SYCP2: variants seen among roughly 807,000 people sequenced by gnomAD.
The protein encoded by SYCP2 is synaptonemal complex lateral element protein.
SYCP2 carries 55 observed loss-of-function variants against 211.3 expected under a neutral mutation model. The observed-to-expected ratio is 0.26, with a 90% CI of 0.21 to 0.33. SYCP2 has a LOEUF of 0.33. SYCP2 is among the 10% of genes least tolerant of loss of function. The pLI, the probability that SYCP2 is intolerant of heterozygous loss-of-function variation, is 1.00. For missense variants in SYCP2, 1,731 were observed against 1,752.0 expected, an observed-to-expected ratio of 0.99 and a Z score of 0.21; for synonymous variants, 570 against 555.2, an observed-to-expected ratio of 1.03 and a Z score of -0.37.
At chr20:59,873,240 T>C (rs888896231) in intron 35 of SYCP2, among the ~76,000 whole-genome samples, 1 of 152,102 alleles carries the variant, frequency 6.6e-6, no homozygotes, top group South Asian at 2.1e-4. Context: ...GAAAACTTTA[T>C]GGCTTCTCTT....
In SYCP2 at chr20:59,905,872, C is replaced by T. The variant is rs148743374; in HGVS notation, c.1033+1492G>A. On this transcript the variant is annotated intron_variant, in intron 15 of 44. Transcript: ENST00000357552. ...TCAACATTGCACTGGAGGTTCTATA[C>T]ATTGCAATAAAGCAACAAAAGGAAA... is the stretch of plus-strand genomic sequence containing the variant. Among the ~76,000 whole-genome samples, 898 of 152,134 alleles carry T rather than the reference C, an allele frequency of 5.9e-3. 8 individuals are homozygous for T. The highest frequency in any genetic ancestry group is 0.026 in the East Asian group (134 of 5,180).
chr20:59,892,182 A>C lies in SYCP2; in HGVS notation c.2172T>G (p.Phe724Leu), dbSNP rs1191171694. 4 of 1,612,638 alleles carry C rather than the reference A, an allele frequency of 2.5e-6. No individual in the cohort carries two copies. Among genetic ancestry groups the C allele is most frequent in the Non-Finnish European group, 3.4e-6 (4 of 1,179,208 alleles). ...TTGTCTTATTTAGGAGAACCGATTT[A>C]AAAGTAGTTTCAGATTCAACAGGCC... ...SDWPVESETT[F>L]KSVLLNKTIE... Residue 724 changes from phenylalanine to leucine, a missense_variant, in exon 24 of 45, where the codon TTT (phenylalanine) becomes TTG (leucine). Phe to Leu is a conservative substitution (Grantham distance 22). Transcript: ENST00000357552.
In SYCP2 at chr20:59,914,904, TTAAGC is replaced by T. The variant is rs1600962852; in HGVS notation, c.634+256_634+260del. 3.3e-5 allele frequency among the ~76,000 whole-genome samples: 5 copies of T among 151,994 alleles called. No individual in the cohort carries two copies. The East Asian group carries it at 9.6e-4, about 29-fold the overall frequency. ...TAAGCTATTATATTAAGCTATTAAA[TTAAGC>T]TATTAATTTAAGCTATTAAGCTATA... On this transcript the variant is annotated intron_variant, in intron 10 of 44. Transcript: ENST00000357552.
Position 59,895,395 on chromosome 20 carries a change from AC to A in SYCP2, c.1665+41del, listed in dbSNP as rs2059988634. 3 of 1,530,840 alleles carry A rather than the reference AC, an allele frequency of 2.0e-6. No individual in the cohort carries two copies. In the Admixed American group the frequency reaches 5.9e-5, roughly 30 times the overall value. 94.8% of individuals were successfully genotyped at this position (1,530,840 alleles called of 1,614,324 possible). A position where few individuals can be genotyped will look rare whatever the true frequency, so the allele number is the denominator to read the frequency against. Reference sequence around the variant, plus strand: ...TAGCTCAATACATATTTCCACAATTACTTGAAAAAATATTTTTAAAATACTT... The same window carrying A: ...TAGCTCAATACATATTTCCACAATTATTGAAAAAATATTTTTAAAATACTT... On this transcript the variant is annotated intron_variant, in intron 20 of 44. Coordinates refer to ENST00000357552, the MANE Select transcript of SYCP2 (RefSeq NM_014258.4).
intron 20 of SYCP2, among the ~76,000 whole-genome samples, chr20:59,894,564 A>G (rs181917687): frequency 6.6e-6 from 1 of 152,152 alleles, no homozygotes; most frequent in African/African-American, 2.4e-5. Context: ...AGCTTTGAGA[A>G]AATTGTACAT....
chr20:59,868,041 CTT>C (rs1180628323), intron 38 of SYCP2, among the ~76,000 whole-genome samples, 194 bp from the exon 39 acceptor site: 1 of 151,546 alleles, frequency 6.6e-6, no homozygotes, highest in African/African-American at 2.4e-5. Flanking sequence ...ATAAAACAAA[CTT>C]TTTGGTATGG....
chr20:59,886,952 A>C (rs1451895410), intron 24 of SYCP2, 118 bp from the exon 25 acceptor site: 5 of 730,504 alleles, frequency 6.8e-6, no homozygotes, highest in South Asian at 4.2e-5. Flanking sequence ...GAGAGAAATA[A>C]AGAGAGTCAA....
At chr20:59,894,934 A>G (rs6027177) in intron 20 of SYCP2, among the ~76,000 whole-genome samples, 2,754 of 152,076 alleles carry the variant, frequency 0.018, 86 homozygotes, top group African/African-American at 0.063. Flanking sequence ...TTCATTCTCC[A>G]TATTTTCTTA....
intron 2 of SYCP2, among the ~76,000 whole-genome samples, chr20:59,931,362 T>C (rs1325943554): frequency 6.6e-6 from 1 of 152,198 alleles, no homozygotes. Context: ...GCTACTGCAC[T>C]CCCACCTCGG....
chr20:59,933,455 G>C (rs1390069310), intron 1 of SYCP2, 114 bp downstream of exon 1: 1 of 151,608 alleles, frequency 6.6e-6, no homozygotes, highest in African/African-American at 2.4e-5. Flanking sequence ...CAACGGCTCC[G>C]CCTCAACCGT....
chr20:59,883,421 C>G (rs2059722200), intron 26 of SYCP2, among the ~76,000 whole-genome samples: 1 of 151,814 alleles, frequency 6.6e-6, no homozygotes, highest in African/African-American at 2.4e-5. Flanking sequence ...TTATAATAAT[C>G]AAAACATGGA....
At position 59,912,065 on chromosome 20, in the gene SYCP2, T is replaced by G. The variant is rs1487120448; in HGVS notation, c.877-220A>C. ...AACTAGCTCCAAGAAATTATGAATA[T>G]TCCAAGTGCTAATAAAGGTTGAAAG... On this transcript the variant is annotated intron_variant, in intron 13 of 44. Transcript: ENST00000357552. 24 of 405,126 alleles carry G rather than the reference T, an allele frequency of 5.9e-5. 1 individual carries two copies. The highest frequency in any genetic ancestry group is 1.0e-4 in the Non-Finnish European group (23 of 228,010). The allele number at this position is 405,126 out of a possible 1,614,324, so 25.1% of individuals were successfully genotyped here.
intron 14 of SYCP2, among the ~76,000 whole-genome samples, chr20:59,910,371 C>CTT (rs1300245848): frequency 1.8e-4 from 22 of 119,188 alleles, no homozygotes; most frequent in African/African-American, 6.0e-4. Flanking sequence ...AGTGTAATTG[C>CTT]TTATTTTTTT....
chr20:59,874,133 C>T lies in SYCP2; in HGVS notation c.3350-72G>A, dbSNP rs186732131. On this transcript the variant is annotated intron_variant, in intron 34 of 44. Transcript: ENST00000357552. ...ATTGATGTCTGCTTTAGAAATAGCACGATTAATTTAAATTCTAAGAATTTG... is the reference window on the plus strand; with the variant it reads ...ATTGATGTCTGCTTTAGAAATAGCATGATTAATTTAAATTCTAAGAATTTG... 35 of 716,334 alleles carry T rather than the reference C, an allele frequency of 4.9e-5. No individual in the cohort carries two copies. In the African/African-American group the frequency reaches 5.1e-4, roughly 10 times the overall value. 44.4% of individuals were successfully genotyped at this position (716,334 alleles called of 1,614,324 possible).
intron 4 of SYCP2, 114 bp from the exon 5 acceptor site, chr20:59,920,601 C>A: frequency 1.2e-6 from 1 of 845,572 alleles, no homozygotes. Context: ...GAAAGATGGT[C>A]ATTTTAATCA....
chr20:59,919,657 C>T, intron 5 of SYCP2, 60 bp from the exon 6 acceptor site: 1 of 1,088,198 alleles, frequency 9.2e-7, no homozygotes, highest in Non-Finnish European at 1.4e-6. Flanking sequence ...ATGTACTTAT[C>T]TATCTTTGCA....
intron 15 of SYCP2, among the ~76,000 whole-genome samples, chr20:59,904,886 AAGAG>A (rs1010638083): frequency 9.4e-4 from 143 of 152,288 alleles, no homozygotes; most frequent in Non-Finnish European, 7.8e-4. Context: ...GAGAGGGAGC[AAGAG>A]AGAGATGGGA....
intron 2 of SYCP2, among the ~76,000 whole-genome samples, chr20:59,924,768 A>G (rs2060604193): frequency 6.6e-6 from 1 of 152,034 alleles, no homozygotes; most frequent in East Asian, 1.9e-4. Context: ...AAGAAAGCTA[A>G]TAAAACTATA....
intron 26 of SYCP2, among the ~76,000 whole-genome samples, chr20:59,884,149 A>G (rs1328498306): frequency 6.6e-6 from 1 of 152,032 alleles, no homozygotes; most frequent in Non-Finnish European, 1.5e-5. Flanking sequence ...CTATAAGCTA[A>G]ATTTTGGTGA....
Sources: gnomAD v4.1 joint callset for allele counts (sites outside exome capture counted in the v4.1 genomes callset) on GRCh38, gnomAD v4.1.1 for gene constraint, MANE v1.5 for transcripts, NCBI Gene and HGNC (gene_info 2026-07-23, HGNC 2026-07-21) for gene names.